Variants in RPH3A observed in about 807,000 individuals in gnomAD.
The protein encoded by RPH3A is rabphilin-3A.
In RPH3A, 48 loss-of-function variants were observed where a neutral mutation model predicts 102.2. The ratio of observed to expected loss-of-function variants is 0.47; its 90% CI spans 0.37 to 0.60. The LOEUF (loss-of-function observed/expected upper bound fraction) is 0.60. Ranked by LOEUF, RPH3A falls within the 20% of genes least tolerant of loss-of-function variation. RPH3A has a pLI of 0.00. For missense variants in RPH3A, 781 were observed against 910.1 expected, an observed-to-expected ratio of 0.86 and a Z score of 1.83; for synonymous variants, 310 against 324.3, an observed-to-expected ratio of 0.96 and a Z score of 0.47.
chr12:112,678,303 A>AGAGAGAGAGAGAG (rs1555283198), intron 1 of RPH3A, among the ~76,000 whole-genome samples: 19 of 50,186 alleles, frequency 3.8e-4, no homozygotes, highest in East Asian at 9.6e-4. Context: ...GAAAGAAAGA[A>AGAGAGAGAGAGAG]AGAGAGAGAG....
At chr12:112,817,829 G>C (rs996579075) in intron 2 of RPH3A, among the ~76,000 whole-genome samples, 3 of 152,180 alleles carry the variant, frequency 2.0e-5, no homozygotes, top group African/African-American at 7.2e-5. Flanking sequence ...CTGAGGTAGA[G>C]GAGGGAAGGA....
intron 1 of RPH3A, among the ~76,000 whole-genome samples, chr12:112,704,743 CA>C (rs1169689174): frequency 6.6e-6 from 1 of 152,124 alleles, no homozygotes; most frequent in Admixed American, 6.5e-5. Context: ...ACCAACATTT[CA>C]AAAATTTATT....
chr12:112,646,168 G>C (rs1201225860), intron 1 of RPH3A, among the ~76,000 whole-genome samples: 1 of 152,102 alleles, frequency 6.6e-6, no homozygotes, highest in Non-Finnish European at 1.5e-5. Context: ...TGATCCAAAA[G>C]AAAAATATCT....
At chr12:112,655,756 A>G (rs2040007018) in intron 1 of RPH3A, among the ~76,000 whole-genome samples, 1 of 151,474 alleles carries the variant, frequency 6.6e-6, no homozygotes, top group Non-Finnish European at 1.5e-5. Context: ...TATTTTTAGT[A>G]GAGACGGGGT....
chr12:112,766,474 G>C (rs2136069833), intron 1 of RPH3A, among the ~76,000 whole-genome samples: 1 of 152,252 alleles, frequency 6.6e-6, no homozygotes, highest in South Asian at 2.1e-4. Flanking sequence ...TGATTAAGGA[G>C]TGTTCCCATG....
chr12:112,864,482 C>T (rs2042574793), intron 5 of RPH3A, among the ~76,000 whole-genome samples: 2 of 148,306 alleles, frequency 1.3e-5, no homozygotes, highest in South Asian at 2.1e-4. Context: ...ATACTATAGG[C>T]AGGGAAAATA....
chr12:112,697,367 A>G (rs2040360168), intron 1 of RPH3A, among the ~76,000 whole-genome samples: 1 of 152,232 alleles, frequency 6.6e-6, no homozygotes, highest in African/African-American at 2.4e-5. Flanking sequence ...AACACTATTT[A>G]TGATAGTACC....
intron 1 of RPH3A, among the ~76,000 whole-genome samples, chr12:112,770,422 T>C (rs984223204): frequency 6.6e-6 from 1 of 152,178 alleles, no homozygotes; most frequent in African/African-American, 2.4e-5. Context: ...CTTGGCTCAC[T>C]ACAACTTCTG....
rs145710964 is a variant in RPH3A at position 112,652,874 on chromosome 12, G to A, written c.-140+77555G>A. ...TGTGCTCTGAGAAATGCACCTTTAG[G>A]TGATTTCGTTGTCATTTGACTGTCA... On this transcript the variant is annotated intron_variant, in intron 1 of 21. Coordinates refer to the RPH3A transcript ENST00000543106. Among the ~76,000 whole-genome samples the A allele has an allele frequency of 4.6e-4, 70 of 152,134 alleles. 1 individual carries two copies. The highest frequency in any genetic ancestry group is 9.1e-4 in the Non-Finnish European group (62 of 67,998).
chr12:112,743,245 C>A (rs2040722293), intron 1 of RPH3A, among the ~76,000 whole-genome samples: 1 of 152,182 alleles, frequency 6.6e-6, no homozygotes, highest in Non-Finnish European at 1.5e-5. Flanking sequence ...TGGGGAGGAG[C>A]AGCAGTATTC....
intron 10 of RPH3A, among the ~76,000 whole-genome samples, chr12:112,873,374 C>T (rs918741421): frequency 1.3e-5 from 2 of 152,234 alleles, no homozygotes; most frequent in African/African-American, 4.8e-5. Context: ...AGCCAATGCT[C>T]CTAGCTGGTC....
intron 1 of RPH3A, among the ~76,000 whole-genome samples, chr12:112,576,545 G>A (rs545412906): frequency 3.9e-5 from 6 of 152,248 alleles, no homozygotes; most frequent in South Asian, 2.1e-4. Flanking sequence ...TAGTAGAGAC[G>A]GGGTTTTGCC....
At chr12:112,722,411 G>A (rs7134529) in intron 1 of RPH3A, among the ~76,000 whole-genome samples, 29,417 of 152,136 alleles carry the variant, frequency 0.19, 3,041 homozygotes, top group South Asian at 0.38. Flanking sequence ...TAATGTAAAA[G>A]ATATGATTTC....
At chr12:112,879,390 A>G (rs1431385709) in intron 14 of RPH3A, among the ~76,000 whole-genome samples, 192 bp downstream of exon 14, 1 of 152,232 alleles carries the variant, frequency 6.6e-6, no homozygotes, top group Non-Finnish European at 1.5e-5. Flanking sequence ...GGATCGTCCC[A>G]GAGGGGTTTC....
intron 1 of RPH3A, among the ~76,000 whole-genome samples, chr12:112,658,307 G>A (rs2040026844): frequency 6.6e-6 from 1 of 152,142 alleles, no homozygotes; most frequent in African/African-American, 2.4e-5. Context: ...CTCCCAAGTA[G>A]TTGGGGCTAC....
intron 1 of RPH3A, among the ~76,000 whole-genome samples, chr12:112,684,225 C>T (rs1592942182): frequency 6.6e-6 from 1 of 152,114 alleles, no homozygotes; most frequent in Admixed American, 6.5e-5. Context: ...CTGCCAAAAA[C>T]ATATGAGAAT....
intron 5 of RPH3A, among the ~76,000 whole-genome samples, chr12:112,857,689 C>T (rs887822753): frequency 3.3e-5 from 5 of 152,112 alleles, no homozygotes; most frequent in Admixed American, 2.0e-4. Context: ...GTTTAAGCCC[C>T]GAAGTTGTGA....
chr12:112,600,403 G>A (rs1006680162), intron 1 of RPH3A, among the ~76,000 whole-genome samples: 59 of 152,210 alleles, frequency 3.9e-4, no homozygotes, highest in Admixed American at 2.7e-3. Context: ...TCCTTTTTCT[G>A]TCATAAGGTG....
intron 1 of RPH3A, among the ~76,000 whole-genome samples, chr12:112,710,266 G>A (rs1433777151): frequency 1.3e-5 from 2 of 152,144 alleles, no homozygotes. Flanking sequence ...TTGAGCCACC[G>A]CGCCCGGCCT....
Sources: gnomAD v4.1 joint callset for allele counts (sites outside exome capture counted in the v4.1 genomes callset) on GRCh38, gnomAD v4.1.1 for gene constraint, MANE v1.5 for transcripts, NCBI Gene and HGNC (gene_info 2026-07-23, HGNC 2026-07-21) for gene names.